The following LAMA1 variants were observed in gnomAD, a reference collection of about 807,000 sequenced individuals.
LAMA1 encodes the protein laminin subunit alpha-1.
In LAMA1, 219 loss-of-function variants were observed where a neutral mutation model predicts 348.7. That is an observed-to-expected ratio of 0.63 (90% confidence interval 0.56 to 0.70). The LOEUF (loss-of-function observed/expected upper bound fraction) is 0.70. LAMA1 is among the 30% of genes least tolerant of loss of function. The probability of loss-of-function intolerance (pLI) is 0.00; values close to 1 mark genes in which losing one functional copy is unlikely to be tolerated. For synonymous variants in LAMA1, 1,487 were observed against 1,491.0 expected (o/e 1.00, Z 0.06); for missense variants, 3,744 against 3,888.0 (o/e 0.96, Z 0.99).
chr18:6,993,553 T>C, intron 35 of LAMA1, 88 bp downstream of exon 35: 3 of 983,234 alleles, frequency 3.1e-6, no homozygotes, highest in Non-Finnish European at 5.0e-6. Context: ...ATGCAAGAGA[T>C]ATACATCTAT....
rs752701816 is a variant in LAMA1 at position 7,050,689 on chromosome 18, C to T, written c.588+5G>A. On this transcript the variant is annotated splice_donor_5th_base_variant and intron_variant, in intron 4 of 62. Coordinates refer to ENST00000389658, the MANE Select transcript of LAMA1 (RefSeq NM_005559.4). Reference sequence around the variant, plus strand: ...AGATCTTGCTGCAGCGGGCACCATACCTACCTCTCCATGCTCAAGTGGCAC... The same window carrying T: ...AGATCTTGCTGCAGCGGGCACCATATCTACCTCTCCATGCTCAAGTGGCAC... The T allele has an allele frequency of 1.2e-6, 2 of 1,613,428 alleles. No individual in the cohort carries two copies. The highest frequency in any genetic ancestry group is 2.7e-5 in the African/African-American group (2 of 74,900).
chr18:7,094,650 C>A (rs2058253508), intron 1 of LAMA1, among the ~76,000 whole-genome samples: 1 of 151,990 alleles, frequency 6.6e-6, no homozygotes, highest in Non-Finnish European at 1.5e-5. Flanking sequence ...TTTTTAAAGG[C>A]AATGTGGTAC....
chr18:6,964,751 CTGCT>C lies in LAMA1; in HGVS notation c.7244_7247del (p.Lys2415ArgfsTer14). 1 of 1,614,098 alleles carries C rather than the reference CTGCT, an allele frequency of 6.2e-7. No individual in the cohort carries two copies. Among genetic ancestry groups the C allele is most frequent in the Non-Finnish European group, 8.5e-7 (1 of 1,180,016 alleles). On this transcript the variant is annotated frameshift_variant, in exon 51 of 63. Transcript: ENST00000389658. LOFTEE classifies it high-confidence loss of function. ...CAGAAGATGCTCCCGGAGTCTCGCC[CTGCT>C]TGGTTTCTTTATTACTGGTGTTATA...
At chr18:7,113,669 G>A (rs933865594) in intron 1 of LAMA1, among the ~76,000 whole-genome samples, 2 of 152,166 alleles carry the variant, frequency 1.3e-5, no homozygotes, top group Non-Finnish European at 2.9e-5. Context: ...GCTGAGGAGG[G>A]AGAACAGGTG....
chr18:6,959,573 G>T (rs563610363), intron 53 of LAMA1, 81 bp from the exon 54 acceptor site: 5 of 1,461,054 alleles, frequency 3.4e-6, no homozygotes, highest in Middle Eastern at 3.4e-4. Context: ...TGAAGATAAC[G>T]TGAGAAGATT....
intron 1 of LAMA1, among the ~76,000 whole-genome samples, chr18:7,109,052 T>C (rs1267819415): frequency 6.6e-6 from 1 of 152,186 alleles, no homozygotes; most frequent in Non-Finnish European, 1.5e-5. Flanking sequence ...TGCCTCTGGA[T>C]ACAAAATGGG....
chr18:6,990,596 G>A (rs2057754395), intron 36 of LAMA1, among the ~76,000 whole-genome samples: 1 of 152,156 alleles, frequency 6.6e-6, no homozygotes, highest in Admixed American at 6.5e-5. Context: ...TTCGCACCTT[G>A]GCTTCTGTCA....
At chr18:7,045,953 C>CT (rs77576027) in intron 6 of LAMA1, among the ~76,000 whole-genome samples, 9,863 of 142,778 alleles carry the variant, frequency 0.069, 871 homozygotes, top group African/African-American at 0.21. Flanking sequence ...TATAATTGCA[C>CT]TTTTTTTTTT....
At chr18:7,042,029 AC>A (rs1298201334) in intron 9 of LAMA1, 115 bp downstream of exon 9, 1 of 777,756 alleles carries the variant, frequency 1.3e-6, no homozygotes, top group Non-Finnish European at 2.2e-6. Flanking sequence ...TACTTGGTGA[AC>A]AAAAGAATCA....
Position 7,007,261 on chromosome 18 carries a change from AC to A in LAMA1, c.4137del (p.Tyr1380ThrfsTer41). The A allele has an allele frequency of 6.2e-7, 1 of 1,614,068 alleles. No individual in the cohort carries two copies. The highest frequency in any genetic ancestry group is 8.5e-7 in the Non-Finnish European group (1 of 1,179,996). ...VGFSCQDCAPGYHRGKLPAGS... is the reference protein window; with the variant it reads ...VGFSCQDCAPXYHRGKLPAGS... ...CCTGCTGGGAGCTTCCCTCTGTGGTACCCAGGGGCGCAGTCCTGAGGGGGTG... is the reference window on the plus strand; with the variant it reads ...CCTGCTGGGAGCTTCCCTCTGTGGTACCAGGGGCGCAGTCCTGAGGGGGTG... On this transcript the variant is annotated frameshift_variant, in exon 29 of 63. Transcript: ENST00000389658. LOFTEE classifies it high-confidence loss of function.
chr18:7,005,530 T>C (rs368625979), intron 29 of LAMA1, among the ~76,000 whole-genome samples: 1 of 152,174 alleles, frequency 6.6e-6, no homozygotes, highest in African/African-American at 2.4e-5. Context: ...AGGTGGATCA[T>C]TGGAGGTCAG....
intron 3 of LAMA1, among the ~76,000 whole-genome samples, chr18:7,075,559 G>T (rs1247349635): frequency 6.6e-6 from 1 of 152,078 alleles, no homozygotes; most frequent in Non-Finnish European, 1.5e-5. Flanking sequence ...GGAGGCGGAG[G>T]TTGCAGTGAG....
intron 61 of LAMA1, among the ~76,000 whole-genome samples, chr18:6,946,234 C>T (rs147104270): frequency 1.7e-3 from 257 of 152,164 alleles, no homozygotes; most frequent in Non-Finnish European, 2.9e-3. Flanking sequence ...GATGACCTTC[C>T]CAAGATCAGG....
At chr18:7,016,756 C>T (rs972358358) in intron 20 of LAMA1, 85 bp from the exon 21 acceptor site, 36 of 1,196,094 alleles carry the variant, frequency 3.0e-5, no homozygotes, top group African/African-American at 2.7e-4. Context: ...AGAACACACA[C>T]AGGGTATTTC....
chr18:7,104,123 C>A (rs138183021), intron 1 of LAMA1, among the ~76,000 whole-genome samples: 1 of 151,696 alleles, frequency 6.6e-6, no homozygotes, highest in African/African-American at 2.4e-5. Flanking sequence ...GGATTACAGG[C>A]GACCGCCACC....
At chr18:7,030,339 T>G (rs180967046) in intron 16 of LAMA1, among the ~76,000 whole-genome samples, 1 of 152,202 alleles carries the variant, frequency 6.6e-6, no homozygotes, top group African/African-American at 2.4e-5. Context: ...TTCAAAAGTG[T>G]CATAGTCATG....
chr18:7,113,010 G>C (rs1475750656), intron 1 of LAMA1, among the ~76,000 whole-genome samples: 1 of 152,140 alleles, frequency 6.6e-6, no homozygotes, highest in Non-Finnish European at 1.5e-5. Flanking sequence ...ACAAGAAGTG[G>C]CTACTAACTG....
At chr18:7,065,253 A>AC (rs1418444354) in intron 3 of LAMA1, among the ~76,000 whole-genome samples, 1 of 143,032 alleles carries the variant, frequency 7.0e-6, no homozygotes, top group African/African-American at 2.5e-5. Flanking sequence ...AAAAAAAAAA[A>AC]CAACGACTAG....
rs966571091 is a variant in LAMA1 at position 6,955,248 on chromosome 18, T to C, written c.8207+105A>G. The stretch of plus-strand genomic sequence containing the variant: ...ATTTGGTTGCAAATCAAGCACTTCA[T>C]CATAAAATAAAAGCAGGTTCTTTTG... On this transcript the variant is annotated intron_variant, in intron 57 of 62. Transcript: ENST00000389658. 4.5e-6 allele frequency: 4 copies of C among 886,758 alleles called. No homozygotes were observed. In the Admixed American group the frequency reaches 8.0e-5, roughly 18 times the overall value. The allele number at this position is 886,758 out of a possible 1,614,324, so 54.9% of individuals were successfully genotyped here. A position where few individuals can be genotyped will look rare whatever the true frequency, so the allele number is the denominator to read the frequency against.
Sources: gnomAD v4.1 joint callset for allele counts (sites outside exome capture counted in the v4.1 genomes callset) on GRCh38, gnomAD v4.1.1 for gene constraint, MANE v1.5 for transcripts, NCBI Gene and HGNC (gene_info 2026-07-23, HGNC 2026-07-21) for gene names.